Variants in FRMD4A observed in about 807,000 individuals in gnomAD.
The protein encoded by FRMD4A is FERM domain containing 4A, also known as FERM domain-containing protein 4A.
In FRMD4A, 29 loss-of-function variants were observed where a neutral mutation model predicts 129.1. That is an observed-to-expected ratio of 0.22 (90% CI 0.17 to 0.31). The LOEUF is 0.31. Among genes scored for constraint, FRMD4A ranks in the 10% least tolerant of loss-of-function variants. FRMD4A has a pLI of 1.00. For synonymous variants in FRMD4A, 634 were observed against 571.6 expected (o/e 1.11, Z -1.56); for missense variants, 1,272 against 1,375.8 (o/e 0.92, Z 1.19).
At chr10:14,124,971 A>C (rs1838751985) in intron 2 of FRMD4A, among the ~76,000 whole-genome samples, 1 of 152,220 alleles carries the variant, frequency 6.6e-6, no homozygotes, top group South Asian at 2.1e-4. Flanking sequence ...AGAAAGACAG[A>C]AGATAGTGCT....
intron 2 of FRMD4A, among the ~76,000 whole-genome samples, chr10:14,290,217 T>C (rs1198383576): frequency 1.3e-5 from 2 of 152,044 alleles, no homozygotes; most frequent in Non-Finnish European, 2.9e-5. Context: ...TTTATAGAAA[T>C]AGGAAAAAGT....
At chr10:14,299,035 T>C (rs1255539767) in intron 2 of FRMD4A, among the ~76,000 whole-genome samples, 2 of 152,186 alleles carry the variant, frequency 1.3e-5, no homozygotes, top group Non-Finnish European at 2.9e-5. Flanking sequence ...ACGGAGCCAT[T>C]TCTTTGGACA....
chr10:13,648,030 G>A (rs1589173625), intron 24 of FRMD4A: 1 of 152,130 alleles, frequency 6.6e-6, no homozygotes, highest in Admixed American at 6.5e-5. Context: ...ACAGCTTCAC[G>A]ATTGAGAATC....
intron 2 of FRMD4A, among the ~76,000 whole-genome samples, chr10:13,967,051 C>T (rs754257057): frequency 9.2e-5 from 14 of 152,160 alleles, no homozygotes; most frequent in Non-Finnish European, 1.5e-5. Context: ...AAGAATGACA[C>T]AACGGGCCGG....
intron 3 of FRMD4A, among the ~76,000 whole-genome samples, chr10:13,820,824 G>A (rs1225591506): frequency 2.6e-5 from 4 of 152,356 alleles, no homozygotes; most frequent in African/African-American, 9.6e-5. Context: ...GGGACCTGCT[G>A]GATGGGTGGC....
chr10:13,675,567 A>ATTTTTTTTTT (rs1564581383), intron 15 of FRMD4A: 4 of 153,244 alleles, frequency 2.6e-5, no homozygotes, highest in African/African-American at 9.7e-5. Context: ...ACACCCGGCT[A>ATTTTTTTTTT]ATTTTGTATT....
chr10:13,793,382 G>C (rs1354646859), intron 5 of FRMD4A, among the ~76,000 whole-genome samples: 1 of 151,978 alleles, frequency 6.6e-6, no homozygotes, highest in African/African-American at 2.4e-5. Flanking sequence ...ATGTTGGCCG[G>C]GCTGGTCTCA....
chr10:14,100,430 G>C (rs978797218), intron 2 of FRMD4A, among the ~76,000 whole-genome samples: 2 of 152,040 alleles, frequency 1.3e-5, no homozygotes, highest in Admixed American at 6.6e-5. Flanking sequence ...GCAAGGATAG[G>C]CTGGGTTTGG....
intron 2 of FRMD4A, among the ~76,000 whole-genome samples, chr10:13,921,682 G>A (rs999270447): frequency 8.5e-5 from 13 of 152,158 alleles, no homozygotes; most frequent in African/African-American, 3.1e-4. Flanking sequence ...GGTTTCAACA[G>A]ATGAATTTTG....
At chr10:14,112,040 C>T (rs2131796726) in intron 2 of FRMD4A, among the ~76,000 whole-genome samples, 1 of 151,340 alleles carries the variant, frequency 6.6e-6, no homozygotes, top group South Asian at 2.1e-4. Flanking sequence ...AAAAGACAAA[C>T]AGAATGATGA....
chr10:13,678,842 A>G (rs2084229353), intron 15 of FRMD4A, among the ~76,000 whole-genome samples: 1 of 152,204 alleles, frequency 6.6e-6, no homozygotes, highest in African/African-American at 2.4e-5. Flanking sequence ...CATATAATGT[A>G]TGGTAATCAG....
chr10:14,002,891 C>T (rs961409966), intron 2 of FRMD4A, among the ~76,000 whole-genome samples: 2 of 152,118 alleles, frequency 1.3e-5, no homozygotes, highest in South Asian at 4.2e-4. Flanking sequence ...GGGGCAAGAG[C>T]AAGCTCCGTA....
At chr10:13,913,992 G>T (rs532211918) in intron 2 of FRMD4A, among the ~76,000 whole-genome samples, 14 of 152,342 alleles carry the variant, frequency 9.2e-5, no homozygotes, top group African/African-American at 3.4e-4. Flanking sequence ...TGGCTAGCAG[G>T]TGAGGCTTGA....
chr10:13,765,177 C>T (rs1588615341), intron 6 of FRMD4A, among the ~76,000 whole-genome samples: 1 of 136,390 alleles, frequency 7.3e-6, no homozygotes. Flanking sequence ...TGCAATGGTG[C>T]GATCTCGGCT....
At chr10:13,790,873 C>CAGTT (rs1189874710) in intron 5 of FRMD4A, among the ~76,000 whole-genome samples, 9 of 151,786 alleles carry the variant, frequency 5.9e-5, no homozygotes, top group Non-Finnish European at 8.8e-5. Context: ...ACGTTTTCTT[C>CAGTT]AGTTAGATTG....
At chr10:13,928,016 CTTTTTT>C (rs139350063) in intron 2 of FRMD4A, among the ~76,000 whole-genome samples, 12 of 113,012 alleles carry the variant, frequency 1.1e-4, no homozygotes, top group East Asian at 4.8e-4. Context: ...CTTAACATAC[CTTTTTT>C]TTTTTTTTTT....
At chr10:14,129,853 C>G (rs916428302) in intron 2 of FRMD4A, among the ~76,000 whole-genome samples, 1 of 152,204 alleles carries the variant, frequency 6.6e-6, no homozygotes, top group Non-Finnish European at 1.5e-5. Flanking sequence ...AACTGGCAAA[C>G]TTCCTTGCCT....
intron 3 of FRMD4A, among the ~76,000 whole-genome samples, chr10:13,845,892 G>A (rs1040180594): frequency 6.6e-5 from 10 of 152,194 alleles, no homozygotes; most frequent in Non-Finnish European, 4.4e-5. Context: ...CAACCCAACC[G>A]GCCCCAGAGC....
intron 3 of FRMD4A, among the ~76,000 whole-genome samples, chr10:13,827,622 G>C (rs1458803708): frequency 6.6e-6 from 1 of 152,186 alleles, no homozygotes; most frequent in Non-Finnish European, 1.5e-5. Context: ...AGACTGATAA[G>C]CCAAGAGGTA....
Sources: gnomAD v4.1 joint callset for allele counts (sites outside exome capture counted in the v4.1 genomes callset) on GRCh38, gnomAD v4.1.1 for gene constraint, MANE v1.5 for transcripts, NCBI Gene and HGNC (gene_info 2026-07-23, HGNC 2026-07-21) for gene names.